Variants in GRM7 observed in about 807,000 individuals in gnomAD.
GRM7 encodes the protein glutamate metabotropic receptor 7, also known as metabotropic glutamate receptor 7.
GRM7 carries 35 observed loss-of-function variants against 84.5 expected under a neutral mutation model. That is an observed-to-expected ratio of 0.41 (90% CI 0.32 to 0.55). The LOEUF (loss-of-function observed/expected upper bound fraction) is 0.55. Among genes scored for constraint, GRM7 ranks in the 20% least tolerant of loss-of-function variants. The pLI is 0.19. For synonymous variants in GRM7, 487 were observed against 455.1 expected (o/e 1.07, Z -0.89); for missense variants, 1,003 against 1,194.6 (o/e 0.84, Z 2.36).
chr3:6,940,503 A>G (rs1697853561), intron 1 of GRM7, among the ~76,000 whole-genome samples: 1 of 152,150 alleles, frequency 6.6e-6, no homozygotes, highest in Non-Finnish European at 1.5e-5. Context: ...CAATAGTGCT[A>G]TTTTCCAATT....
chr3:6,995,894 A>G (rs1694808721), intron 1 of GRM7, among the ~76,000 whole-genome samples: 1 of 152,184 alleles, frequency 6.6e-6, no homozygotes, highest in Non-Finnish European at 1.5e-5. Context: ...AATTTTAATT[A>G]TAGAGGTTTA....
At chr3:7,501,896 C>A (rs1699895084) in intron 7 of GRM7, among the ~76,000 whole-genome samples, 1 of 152,154 alleles carries the variant, frequency 6.6e-6, no homozygotes, top group Non-Finnish European at 1.5e-5. Context: ...AGCATAAGAG[C>A]ATAAGGGATG....
chr3:7,024,562 G>A (rs1329949543), intron 1 of GRM7, among the ~76,000 whole-genome samples: 1 of 152,260 alleles, frequency 6.6e-6, no homozygotes, highest in African/African-American at 2.4e-5. Flanking sequence ...TGGGGCAGGT[G>A]CATGAGGAGA....
rs116335025 is a variant in GRM7 at position 7,212,016 on chromosome 3, A to G, written c.736+65348A>G. 1.8e-3 allele frequency among the ~76,000 whole-genome samples: 279 copies of G among 152,128 alleles called. 2 individuals carry two copies. The highest frequency in any genetic ancestry group is 0.014 in the South Asian group (69 of 4,818). The stretch of plus-strand genomic sequence containing the variant: ...GTAGCTCTTTCTTCAAATAGCATCA[A>G]CTAGCATAGGCCTGAACATCCCTTA... On this transcript the variant is annotated intron_variant, in intron 2 of 9. Transcript: ENST00000357716.
intron 1 of GRM7, among the ~76,000 whole-genome samples, chr3:6,996,149 A>T (rs1468903945): frequency 6.6e-6 from 1 of 152,074 alleles, no homozygotes; most frequent in Non-Finnish European, 1.5e-5. Flanking sequence ...CCCGAGTTCA[A>T]GCAATTCTCC....
intron 7 of GRM7, among the ~76,000 whole-genome samples, chr3:7,515,507 G>A (rs1255480617): frequency 1.3e-5 from 2 of 152,124 alleles, no homozygotes; most frequent in African/African-American, 4.8e-5. Flanking sequence ...ATAATTTTAA[G>A]CCATTAAGTT....
intron 1 of GRM7, among the ~76,000 whole-genome samples, chr3:6,878,639 A>G (rs1008122170): frequency 6.6e-6 from 1 of 152,222 alleles, no homozygotes; most frequent in Non-Finnish European, 1.5e-5. Context: ...CACTAATAAA[A>G]TAGCAAAGGC....
chr3:7,349,751 T>C (rs1693051770), intron 4 of GRM7, among the ~76,000 whole-genome samples: 1 of 152,168 alleles, frequency 6.6e-6, no homozygotes, highest in African/African-American at 2.4e-5. Context: ...ATTTGAGCAA[T>C]TGCATATGTA....
intron 1 of GRM7, among the ~76,000 whole-genome samples, chr3:7,133,442 C>A (rs1379155663): frequency 1.3e-5 from 2 of 152,118 alleles, no homozygotes; most frequent in African/African-American, 2.4e-5. Context: ...GGCATCTAGG[C>A]CAGGGTACTG....
At chr3:7,074,827 C>A (rs761916848) in intron 1 of GRM7, among the ~76,000 whole-genome samples, 1 of 152,120 alleles carries the variant, frequency 6.6e-6, no homozygotes, top group Non-Finnish European at 1.5e-5. Context: ...AGGATGGCTT[C>A]CAAGTTTAAA....
chr3:7,153,133 A>ATTTTTTTTTTTTTTT (rs34465661), intron 2 of GRM7, among the ~76,000 whole-genome samples: 1 of 103,388 alleles, frequency 9.7e-6, no homozygotes. Context: ...GGTACTGTGG[A>ATTTTTTTTTTTTTTT]TTTTTTTTTT....
At chr3:7,739,845 A>G (rs1702630668) in intron 9 of GRM7, among the ~76,000 whole-genome samples, 1 of 152,234 alleles carries the variant, frequency 6.6e-6, no homozygotes, top group African/African-American at 2.4e-5. Flanking sequence ...ATGACCATTT[A>G]TAACTTACAG....
At chr3:7,638,279 T>G (rs1299129909) in intron 8 of GRM7, among the ~76,000 whole-genome samples, 1 of 152,222 alleles carries the variant, frequency 6.6e-6, no homozygotes, top group Non-Finnish European at 1.5e-5. Context: ...ATATAAGGAC[T>G]GCATCATTAT....
chr3:6,929,487 A>C (rs1366213572), intron 1 of GRM7, among the ~76,000 whole-genome samples: 3 of 152,212 alleles, frequency 2.0e-5, no homozygotes, highest in Non-Finnish European at 2.9e-5. Context: ...ACAGTAGCAG[A>C]CTGCCTGCTG....
chr3:7,099,305 CAT>C (rs1230234362), intron 1 of GRM7, among the ~76,000 whole-genome samples: 14 of 146,670 alleles, frequency 9.5e-5, no homozygotes, highest in Admixed American at 4.8e-4. Context: ...TATATGTACA[CAT>C]GTATTATACA....
intron 4 of GRM7, among the ~76,000 whole-genome samples, chr3:7,310,718 C>A (rs1468318132): frequency 6.6e-6 from 1 of 152,144 alleles, no homozygotes; most frequent in Non-Finnish European, 1.5e-5. Context: ...TCACTTGCAA[C>A]CCAGACTACT....
intron 6 of GRM7, among the ~76,000 whole-genome samples, chr3:7,458,551 T>C (rs1197213917): frequency 6.6e-6 from 1 of 152,230 alleles, no homozygotes; most frequent in Non-Finnish European, 1.5e-5. Context: ...AGATAAAGTA[T>C]GCAGCTCTTC....
At chr3:7,606,523 T>C (rs1256442436) in intron 8 of GRM7, among the ~76,000 whole-genome samples, 1 of 152,074 alleles carries the variant, frequency 6.6e-6, no homozygotes, top group Non-Finnish European at 1.5e-5. Context: ...GTGAGGAAAC[T>C]TTGCTTGTTT....
intron 8 of GRM7, among the ~76,000 whole-genome samples, chr3:7,644,220 ATGTG>A (rs879807848): frequency 0.39 from 55,077 of 142,246 alleles, 13,692 homozygotes; most frequent in East Asian, 0.59. Flanking sequence ...GTACATATAT[ATGTG>A]TGTGTCTGTA....
Sources: gnomAD v4.1 joint callset for allele counts (sites outside exome capture counted in the v4.1 genomes callset) on GRCh38, gnomAD v4.1.1 for gene constraint, MANE v1.5 for transcripts, NCBI Gene and HGNC (gene_info 2026-07-23, HGNC 2026-07-21) for gene names.